GRM5: variants seen among roughly 807,000 people sequenced by gnomAD.
The protein encoded by GRM5 is metabotropic glutamate receptor 5.
A neutral mutation model predicts 83.1 loss-of-function variants in GRM5; 19 were observed. The ratio of observed to expected loss-of-function variants is 0.23; its 90% CI spans 0.16 to 0.34. GRM5 has a LOEUF of 0.34. Among genes scored for constraint, GRM5 ranks in the 10% least tolerant of loss-of-function variants. GRM5 has a pLI of 1.00. For missense variants in GRM5, 1,160 were observed against 1,588.3 expected (o/e 0.73, Z 4.58); for synonymous variants, 675 against 633.6 (o/e 1.07, Z -0.98).
chr11:88,952,676 TTGA>T (rs1356755340), intron 2 of GRM5, among the ~76,000 whole-genome samples: 5 of 152,180 alleles, frequency 3.3e-5, no homozygotes, highest in African/African-American at 4.8e-5. Context: ...CACAGGGTTT[TTGA>T]TGATGTCAGT....
rs568824116 is a variant in GRM5, at chr11:88,521,770, G to A, written c.2726+3539C>T. Among the ~76,000 whole-genome samples, 67 of 152,328 alleles carry A rather than the reference G, an allele frequency of 4.4e-4. 1 individual carries two copies. The South Asian group carries it at 0.013, about 29-fold the overall frequency. The stretch of plus-strand genomic sequence containing the variant: ...AACAGCAACATATTTCAGGAAGCTA[G>A]TGTGCTATGGGGACATGTTATATTC... On this transcript the variant is annotated intron_variant, in intron 9 of 9. Coordinates refer to ENST00000305447, the MANE Select transcript of GRM5 (RefSeq NM_001143831.3).
intron 2 of GRM5, among the ~76,000 whole-genome samples, chr11:88,881,730 C>T (rs1189332031): frequency 1.3e-5 from 2 of 152,056 alleles, no homozygotes; most frequent in African/African-American, 4.8e-5. Flanking sequence ...AGCTTCAATA[C>T]TCCAATTTCC....
chr11:88,952,899 A>G (rs1197574435), intron 2 of GRM5, among the ~76,000 whole-genome samples: 1 of 152,214 alleles, frequency 6.6e-6, no homozygotes, highest in Non-Finnish European at 1.5e-5. Context: ...TTCTAAAAGG[A>G]ATATAGAGAA....
At chr11:88,900,381 C>T (rs2096967191) in intron 2 of GRM5, among the ~76,000 whole-genome samples, 1 of 152,132 alleles carries the variant, frequency 6.6e-6, no homozygotes, top group Non-Finnish European at 1.5e-5. Context: ...GGACACAACT[C>T]TTGAAAGTCA....
chr11:88,612,340 G>C (rs1207345650), intron 4 of GRM5, among the ~76,000 whole-genome samples: 2 of 148,606 alleles, frequency 1.3e-5, no homozygotes, highest in Non-Finnish European at 3.0e-5. Flanking sequence ...GTGTATATGT[G>C]CCACATTTTC....
At chr11:89,022,867 T>C (rs1241923651) in intron 2 of GRM5, among the ~76,000 whole-genome samples, 2 of 151,966 alleles carry the variant, frequency 1.3e-5, no homozygotes, top group South Asian at 2.1e-4. Flanking sequence ...AAGCAGGAAA[T>C]GGGTTTTGAA....
At chr11:88,725,696 A>T (rs1941662998) in intron 3 of GRM5, among the ~76,000 whole-genome samples, 1 of 152,180 alleles carries the variant, frequency 6.6e-6, no homozygotes, top group African/African-American at 2.4e-5. Context: ...GGAAACAGGC[A>T]GCAATTTTTC....
chr11:88,837,902 G>A (rs1346834415), intron 3 of GRM5, among the ~76,000 whole-genome samples: 1 of 151,830 alleles, frequency 6.6e-6, no homozygotes, highest in Non-Finnish European at 1.5e-5. Context: ...GGCTAACACG[G>A]TGAAACCCCG....
chr11:89,059,857 G>A (rs1162695438), intron 1 of GRM5, among the ~76,000 whole-genome samples: 1 of 152,076 alleles, frequency 6.6e-6, no homozygotes, highest in East Asian at 1.9e-4. Context: ...GTGCCATGGT[G>A]GTTTTCCTTC....
At chr11:88,683,147 G>A (rs1182875052) in intron 3 of GRM5, among the ~76,000 whole-genome samples, 1 of 152,054 alleles carries the variant, frequency 6.6e-6, no homozygotes, top group Non-Finnish European at 1.5e-5. Context: ...TGCTGACAAT[G>A]AGTCATAGCT....
intron 2 of GRM5, among the ~76,000 whole-genome samples, chr11:88,920,662 A>G (rs529937468): frequency 6.6e-6 from 1 of 152,334 alleles, no homozygotes; most frequent in East Asian, 1.9e-4. Flanking sequence ...TCTGATAAAC[A>G]TAGAGGCAAA....
At chr11:88,769,664 C>T (rs1942691963) in intron 3 of GRM5, among the ~76,000 whole-genome samples, 1 of 152,072 alleles carries the variant, frequency 6.6e-6, no homozygotes, top group South Asian at 2.1e-4. Flanking sequence ...GAAAGAACTC[C>T]TAGTGGACAA....
chr11:88,593,502 C>T lies in GRM5; in HGVS notation c.1564-2775G>A, dbSNP rs374700458. ...ACCATCCTGGCCAACATGGTGAAAC[C>T]CCGCCTCTACTAAAAATACAAAAAC... is the stretch of plus-strand genomic sequence containing the variant. On this transcript the variant is annotated intron_variant, in intron 6 of 9. Coordinates refer to ENST00000305447, the MANE Select transcript of GRM5 (RefSeq NM_001143831.3). Among the ~76,000 whole-genome samples the T allele has an allele frequency of 1.5e-4, 23 of 151,800 alleles. No individual in the cohort carries two copies. In the South Asian group the frequency reaches 4.6e-3, roughly 30 times the overall value.
At chr11:88,647,728 G>A (rs1245073370) in intron 4 of GRM5, among the ~76,000 whole-genome samples, 1 of 152,074 alleles carries the variant, frequency 6.6e-6, no homozygotes, top group Non-Finnish European at 1.5e-5. Flanking sequence ...CCTACAAAAT[G>A]GGAGAAAATT....
intron 2 of GRM5, among the ~76,000 whole-genome samples, chr11:88,975,447 G>A (rs1451123493): frequency 6.6e-6 from 1 of 152,116 alleles, no homozygotes; most frequent in Non-Finnish European, 1.5e-5. Context: ...TCTAATTCAA[G>A]GGGTTTGAAA....
intron 4 of GRM5, among the ~76,000 whole-genome samples, chr11:88,609,872 C>T (rs557010887): frequency 6.6e-6 from 1 of 152,272 alleles, no homozygotes; most frequent in South Asian, 2.1e-4. Flanking sequence ...TTAGCTCTTA[C>T]ATTTAAGTCT....
At chr11:88,528,877 GC>G (rs1335424596) in intron 8 of GRM5, among the ~76,000 whole-genome samples, 2 of 152,042 alleles carry the variant, frequency 1.3e-5, no homozygotes, top group Non-Finnish European at 2.9e-5. Flanking sequence ...GTGTCAGTAA[GC>G]CCAACCTCAT....
At chr11:88,933,147 T>C (rs1937767836) in intron 2 of GRM5, among the ~76,000 whole-genome samples, 1 of 149,844 alleles carries the variant, frequency 6.7e-6, no homozygotes, top group East Asian at 2.0e-4. Context: ...TGAGAGGTTT[T>C]CAGAAAATAC....
intron 9 of GRM5, chr11:88,511,892 T>C (rs529593170): frequency 1.3e-5 from 2 of 152,358 alleles, no homozygotes; most frequent in South Asian, 2.1e-4. Flanking sequence ...ACAAGTATTA[T>C]TTCAGGTCAC....
Sources: allele counts gnomAD v4.1 joint callset (sites outside exome capture counted in the v4.1 genomes callset), GRCh38; gene constraint gnomAD v4.1.1; transcripts MANE v1.5; gene names NCBI Gene and HGNC (gene_info 2026-07-23, HGNC 2026-07-21).